ERCC4: variants seen among roughly 807,000 people sequenced by gnomAD.
ERCC4 encodes the protein ERCC excision repair 4, endonuclease catalytic subunit, also known as DNA repair endonuclease XPF.
Under a neutral mutation model 76.9 loss-of-function variants are expected in ERCC4, and 65 were observed. The observed-to-expected ratio is 0.84, with a 90% CI of 0.69 to 1.04. The LOEUF (loss-of-function observed/expected upper bound fraction) is 1.04. Among genes scored for constraint, ERCC4 ranks in the 50% least tolerant of loss-of-function variants. The probability of loss-of-function intolerance (pLI) is 0.00; values close to 1 mark genes in which losing one functional copy is unlikely to be tolerated. For missense variants in ERCC4, 1,214 were observed against 1,128.2 expected, an observed-to-expected ratio of 1.08 and a Z score of -1.09; for synonymous variants, 463 against 410.1, an observed-to-expected ratio of 1.13 and a Z score of -1.56.
In ERCC4 at chr16:13,951,992, C is replaced by G. The variant is rs921969342; in HGVS notation, c.*3645C>G. On this transcript the variant is annotated 3_prime_UTR_variant, in exon 11 of 11. Coordinates refer to ENST00000311895, the MANE Select transcript of ERCC4 (RefSeq NM_005236.3). The stretch of plus-strand genomic sequence containing the variant: ...TTTTGTTTTCTATTTTGGTTTATAG[C>G]TATTTCTGGTTCAGTTCTGAACTTC... 4.9e-6 allele frequency: 1 copy of G among 205,038 alleles called. No individual in the cohort carries two copies. The highest frequency in any genetic ancestry group is 1.9e-4 in the South Asian group (1 of 5,304). The allele number at this position is 205,038 out of a possible 1,614,324, so 12.7% of individuals were successfully genotyped here.
At chr16:13,931,199 T>C (rs1326773293) in intron 5 of ERCC4, 1 of 315,494 alleles carries the variant, frequency 3.2e-6, no homozygotes, top group East Asian at 6.7e-5. Context: ...AGTTTAGTTG[T>C]TAAGAACTTA....
intron 8 of ERCC4, among the ~76,000 whole-genome samples, chr16:13,936,079 TA>T (rs1372186500): frequency 3.3e-5 from 5 of 152,222 alleles, no homozygotes; most frequent in African/African-American, 1.2e-4. Flanking sequence ...CAAAAGTTAA[TA>T]TAACTGTGAC....
chr16:13,937,716 G>C (rs770341395), intron 8 of ERCC4, 50 bp from the exon 9 acceptor site: 1 of 1,115,798 alleles, frequency 9.0e-7, no homozygotes, highest in Admixed American at 1.7e-5. Context: ...TTCCTTTCAG[G>C]GATTAAAAAT....
chr16:13,928,258 C>T (rs368789680), intron 4 of ERCC4, 23 bp downstream of exon 4: 269 of 1,461,528 alleles, frequency 1.8e-4, no homozygotes, highest in Middle Eastern at 1.9e-4. Context: ...CTTTTAAGCA[C>T]AGTTTATTAT....
rs755306366 is a variant in ERCC4 at position 13,948,352 on chromosome 16, T to C, written c.*5T>C. The C allele has an allele frequency of 1.6e-5, 26 of 1,607,736 alleles. No individual in the cohort carries two copies. The highest frequency in any genetic ancestry group is 2.2e-5 in the Non-Finnish European group (26 of 1,179,948). ...AAAGGAAAAGGGAAAAAGTGAACAG[T>C]GATGGCTGTTTTCTTATCCCATGCC... On this transcript the variant is annotated 3_prime_UTR_variant, in exon 11 of 11. Coordinates refer to ENST00000311895, the MANE Select transcript of ERCC4 (RefSeq NM_005236.3).
At position 13,930,765 on chromosome 16, in the gene ERCC4, C is replaced by A. The variant is rs917066081; in HGVS notation, c.848C>A (p.Ser283Tyr). 4.3e-6 allele frequency: 7 copies of A among 1,613,194 alleles called. No individual in the cohort carries two copies. The African/African-American group carries it at 9.3e-5, about 22-fold the overall frequency. ...LWHQLGAKTK[S>Y]LVQDLKILRT... ...CACCAGCTTGGAGCCAAGACTAAAT[C>A]CTTAGTTCAGGATTTGAAGATATTA... The change falls in exon 5 of 11, where the codon TCC (serine) becomes TAC (tyrosine). Residue 283 changes from serine to tyrosine, a missense_variant. By Grantham distance (144) the Ser-to-Tyr change is moderately radical. Coordinates refer to ENST00000311895, the MANE Select transcript of ERCC4 (RefSeq NM_005236.3).
In ERCC4 at chr16:13,935,387, C is replaced by A; in HGVS notation, c.1455C>A (p.Leu485=). 1 of 1,606,856 alleles carries A rather than the reference C, an allele frequency of 6.2e-7. No homozygotes were observed. Among genetic ancestry groups the A allele is most frequent in the Non-Finnish European group, 8.5e-7 (1 of 1,178,190 alleles). The part of the protein sequence containing the change: ...KERASTKERT[L]KKKKRKLTLT... ...GGGCTTCTACCAAAGAAAGAACCCT[C>A]AAAAAGAAAAAACGGAAGTTGACCT... is the stretch of plus-strand genomic sequence containing the variant. The change falls in exon 8 of 11, where the codon CTC becomes CTA. Residue 485 remains leucine (L), a synonymous_variant. Transcript: ENST00000311895.
intron 2 of ERCC4, chr16:13,922,760 T>G (rs1455653283): frequency 7.2e-6 from 2 of 277,794 alleles, no homozygotes; most frequent in Non-Finnish European, 1.4e-5. Flanking sequence ...TACTAGAACC[T>G]TCTAGTGGGC....
At chr16:13,942,402 C>A (rs976758860) in intron 9 of ERCC4, among the ~76,000 whole-genome samples, 1 of 152,124 alleles carries the variant, frequency 6.6e-6, no homozygotes, top group Non-Finnish European at 1.5e-5. Flanking sequence ...TTAATGGAAA[C>A]AATTGTGGAA....
chr16:13,932,621 C>CAGAATG, intron 6 of ERCC4: 1 of 387,210 alleles, frequency 2.6e-6, no homozygotes, highest in Non-Finnish European at 4.6e-6. Context: ...ATTTTTGAGT[C>CAGAATG]AGAATGAGGT....
At chr16:13,943,052 G>A (rs1340820593) in intron 9 of ERCC4, among the ~76,000 whole-genome samples, 1 of 152,132 alleles carries the variant, frequency 6.6e-6, no homozygotes, top group Non-Finnish European at 1.5e-5. Context: ...ACCATTGTCT[G>A]CCCCCTTGTG....
At chr16:13,947,422 T>A (rs548539766) in intron 10 of ERCC4, among the ~76,000 whole-genome samples, 192 bp from the exon 11 acceptor site, 1 of 152,350 alleles carries the variant, frequency 6.6e-6, no homozygotes, top group East Asian at 1.9e-4. Context: ...TTAGCTCGGT[T>A]TCCTTCAAGG....
At chr16:13,943,795 A>AG (rs3136199) in intron 9 of ERCC4, among the ~76,000 whole-genome samples, 35,754 of 151,802 alleles carry the variant, frequency 0.24, 4,552 homozygotes, top group Middle Eastern at 0.32. Context: ...CAAGCAGGGA[A>AG]GAGACTCAGC....
rs117293226 is a variant in ERCC4 at position 13,949,294 on chromosome 16, T to C, written c.*947T>C. 5.8e-3 allele frequency: 1,364 copies of C among 233,898 alleles called. 7 individuals carry two copies. The highest frequency in any genetic ancestry group is 9.7e-3 in the Non-Finnish European group (1,149 of 118,422). 14.5% of individuals were successfully genotyped at this position (233,898 alleles called of 1,614,324 possible). On this transcript the variant is annotated 3_prime_UTR_variant, in exon 11 of 11. Coordinates refer to ENST00000311895, the MANE Select transcript of ERCC4 (RefSeq NM_005236.3). ...AGACTTCCTCGTTTCTCAGCTCTTATATCCTAAGACACCAGCATCATATCC... is the reference window on the plus strand; with the variant it reads ...AGACTTCCTCGTTTCTCAGCTCTTACATCCTAAGACACCAGCATCATATCC...
rs192402764 is a variant in ERCC4, at chr16:13,921,756, A to G, written c.208-275A>G. 2.0e-3 allele frequency among the ~76,000 whole-genome samples: 300 copies of G among 152,328 alleles called. 1 individual carries two copies. Among genetic ancestry groups the G allele is most frequent in the African/African-American group, 6.6e-3 (275 of 41,578 alleles). On this transcript the variant is annotated intron_variant, in intron 1 of 10. Transcript: ENST00000311895. ...AAATCTTTTAATCCAGGCTTTTAAA[A>G]GTTTGAGGTTTTGTATGTGTGTGCA...
intron 9 of ERCC4, among the ~76,000 whole-genome samples, chr16:13,939,415 C>T (rs566575756): frequency 1.3e-5 from 2 of 152,078 alleles, no homozygotes; most frequent in South Asian, 4.2e-4. Flanking sequence ...TACAGAGCAC[C>T]GCTGGCTGCA....
rs1596629225 is a variant in ERCC4, at chr16:13,937,915, G to GCA, written c.1904+57_1904+58insCA. 46 of 1,053,656 alleles carry GCA rather than the reference G, an allele frequency of 4.4e-5. No homozygotes were observed. In the East Asian group the frequency reaches 1.1e-3, roughly 25 times the overall value. 65.3% of individuals were successfully genotyped at this position (1,053,656 alleles called of 1,614,324 possible). The stretch of plus-strand genomic sequence containing the variant: ...AACTACATTGGAAACCTCTGGATGG[G>GCA]GGAATATCAGATAGTCCTGCTCAGG... On this transcript the variant is annotated intron_variant, in intron 9 of 10. Transcript: ENST00000311895.
At chr16:13,921,578 A>G (rs1352596206) in intron 1 of ERCC4, among the ~76,000 whole-genome samples, 1 of 152,214 alleles carries the variant, frequency 6.6e-6, no homozygotes, top group African/African-American at 2.4e-5. Flanking sequence ...AACCAAGCCA[A>G]GGGACCCAGT....
chr16:13,930,579 A>G (rs2032153105), intron 4 of ERCC4, 131 bp from the exon 5 acceptor site: 5 of 683,036 alleles, frequency 7.3e-6, no homozygotes, highest in Admixed American at 5.0e-5. Context: ...AGTAAAATAT[A>G]TATGACATAA....
Sources: allele counts gnomAD v4.1 joint callset (sites outside exome capture counted in the v4.1 genomes callset), GRCh38; gene constraint gnomAD v4.1.1; transcripts MANE v1.5; gene names NCBI Gene and HGNC (gene_info 2026-07-23, HGNC 2026-07-21).